The following WWOX variants were observed in gnomAD, a reference collection of about 807,000 sequenced individuals.
WWOX encodes the protein WW domain-containing oxidoreductase.
Under a neutral mutation model 46.2 loss-of-function variants are expected in WWOX, and 69 were observed. The observed-to-expected ratio is 1.49, with a 90% confidence interval of 1.23 to 1.82. The LOEUF (loss-of-function observed/expected upper bound fraction) is 1.82. Ranked by LOEUF, WWOX falls within the 40% of genes most tolerant of loss-of-function variation. The pLI, the probability that WWOX is intolerant of heterozygous loss-of-function variation, is 0.00. For synonymous variants in WWOX, 359 were observed against 202.6 expected, an observed-to-expected ratio of 1.77 and a Z score of -6.56; for missense variants, 919 against 542.6, an observed-to-expected ratio of 1.69 and a Z score of -6.89.
At chr16:79,045,079 A>C (rs1032401410) in intron 8 of WWOX, among the ~76,000 whole-genome samples, 2 of 152,230 alleles carry the variant, frequency 1.3e-5, no homozygotes, top group Non-Finnish European at 1.5e-5. Context: ...CAATCTCTCC[A>C]AATGTTAGAT....
intron 8 of WWOX, among the ~76,000 whole-genome samples, chr16:78,600,490 C>T (rs759486337): frequency 1.3e-5 from 2 of 152,138 alleles, no homozygotes; most frequent in Non-Finnish European, 2.9e-5. Flanking sequence ...CCCCAACCCT[C>T]CGTGGGTTAA....
chr16:78,937,185 T>A (rs1339752813), intron 8 of WWOX, among the ~76,000 whole-genome samples: 1 of 152,176 alleles, frequency 6.6e-6, no homozygotes. Flanking sequence ...ACATATGGAT[T>A]TTTGGAGAGG....
Position 79,147,283 on chromosome 16 carries a change from C to A in WWOX, c.1057-64325C>A, listed in dbSNP as rs180786114. On this transcript the variant is annotated intron_variant, in intron 8 of 8. Coordinates refer to ENST00000566780, the MANE Select transcript of WWOX (RefSeq NM_016373.4). ...TGCCTCATCCCTGACCCCTGGCAAC[C>A]ACTAAACTGTTCTCCACTTTTAAAA... is the stretch of plus-strand genomic sequence containing the variant. Among the ~76,000 whole-genome samples, 615 of 152,330 alleles carry A rather than the reference C, an allele frequency of 4.0e-3. 11 individuals are homozygous for A. Among genetic ancestry groups the A allele is most frequent in the Non-Finnish European group, 8.4e-4 (57 of 68,032 alleles).
At chr16:78,598,555 C>T (rs928466100) in intron 8 of WWOX, among the ~76,000 whole-genome samples, 26 of 152,300 alleles carry the variant, frequency 1.7e-4, no homozygotes, top group African/African-American at 6.3e-4. Flanking sequence ...TTTGACCAGG[C>T]AGGCTCTCAG....
At chr16:78,595,354 G>A (rs1481254579) in intron 8 of WWOX, among the ~76,000 whole-genome samples, 1 of 151,452 alleles carries the variant, frequency 6.6e-6, no homozygotes, top group Non-Finnish European at 1.5e-5. Context: ...TCACATGTGA[G>A]TCTTCTCCTT....
chr16:78,579,508 G>A (rs918209670), intron 8 of WWOX, among the ~76,000 whole-genome samples: 2 of 152,184 alleles, frequency 1.3e-5, no homozygotes, highest in Admixed American at 6.5e-5. Flanking sequence ...AACAACATGA[G>A]ATGAGGCTGG....
chr16:78,310,859 G>A (rs899586286), intron 5 of WWOX, among the ~76,000 whole-genome samples: 4 of 152,090 alleles, frequency 2.6e-5, no homozygotes, highest in African/African-American at 7.2e-5. Flanking sequence ...CCTCTGTAAC[G>A]CAGCCCCAGA....
intron 8 of WWOX, among the ~76,000 whole-genome samples, chr16:78,796,548 G>T (rs2050742786): frequency 6.6e-6 from 1 of 152,240 alleles, no homozygotes; most frequent in Non-Finnish European, 1.5e-5. Context: ...GCCTTCTCAG[G>T]CTTGCTTTCT....
At chr16:78,798,393 C>A (rs562617432) in intron 8 of WWOX, among the ~76,000 whole-genome samples, 18 of 152,178 alleles carry the variant, frequency 1.2e-4, no homozygotes, top group African/African-American at 4.1e-4. Context: ...CCAAGGATGT[C>A]ATCGACAAAT....
intron 8 of WWOX, among the ~76,000 whole-genome samples, chr16:79,032,619 A>G (rs1383082919): frequency 6.7e-6 from 1 of 148,926 alleles, no homozygotes; most frequent in African/African-American, 2.5e-5. Flanking sequence ...ATATAATTAT[A>G]TAATTCATAT....
chr16:78,995,199 G>T (rs533927496), intron 8 of WWOX, among the ~76,000 whole-genome samples: 1 of 152,016 alleles, frequency 6.6e-6, no homozygotes, highest in Non-Finnish European at 1.5e-5. Flanking sequence ...CTCTCTGCTT[G>T]CATTCTTTCC....
chr16:79,042,944 G>C (rs935621448), intron 8 of WWOX, among the ~76,000 whole-genome samples: 7 of 152,118 alleles, frequency 4.6e-5, no homozygotes, highest in African/African-American at 1.4e-4. Flanking sequence ...AATGCCTATG[G>C]ATGCCCTCAT....
chr16:78,287,128 A>G (rs955270395), intron 5 of WWOX, among the ~76,000 whole-genome samples: 1 of 152,250 alleles, frequency 6.6e-6, no homozygotes, highest in African/African-American at 2.4e-5. Flanking sequence ...GAAATTTGTA[A>G]TATGTGTCAG....
chr16:78,970,751 C>T (rs1388900470), intron 8 of WWOX, among the ~76,000 whole-genome samples: 1 of 152,118 alleles, frequency 6.6e-6, no homozygotes, highest in African/African-American at 2.4e-5. Context: ...TCCCCTCCTT[C>T]TTCCTTATTA....
At chr16:78,716,979 C>T (rs571949128) in intron 8 of WWOX, among the ~76,000 whole-genome samples, 4 of 152,298 alleles carry the variant, frequency 2.6e-5, no homozygotes, top group African/African-American at 4.8e-5. Flanking sequence ...TTGATGTTCT[C>T]AGTCGTAAAA....
At chr16:78,818,360 T>C (rs74031958) in intron 8 of WWOX, among the ~76,000 whole-genome samples, 23,027 of 152,134 alleles carry the variant, frequency 0.15, 1,899 homozygotes, top group Non-Finnish European at 0.18. Flanking sequence ...CTCTGTTGAT[T>C]AGGGTTGGTT....
intron 8 of WWOX, among the ~76,000 whole-genome samples, chr16:78,958,750 C>T (rs577936080): frequency 3.3e-4 from 50 of 152,238 alleles, no homozygotes; most frequent in African/African-American, 9.9e-4. Flanking sequence ...ATGAAATATA[C>T]CAAGTCGTCA....
At chr16:78,461,393 T>C (rs1279117126) in intron 8 of WWOX, among the ~76,000 whole-genome samples, 1 of 151,410 alleles carries the variant, frequency 6.6e-6, no homozygotes, top group Non-Finnish European at 1.5e-5. Context: ...AAACAAAAAA[T>C]AGGAAAAAAA....
At chr16:78,501,040 C>T (rs956730977) in intron 8 of WWOX, among the ~76,000 whole-genome samples, 4 of 152,086 alleles carry the variant, frequency 2.6e-5, no homozygotes, top group African/African-American at 9.7e-5. Context: ...GGCTATTATT[C>T]TTAGGCATTT....
Sources: allele counts gnomAD v4.1 joint callset (sites outside exome capture counted in the v4.1 genomes callset), GRCh38; gene constraint gnomAD v4.1.1; transcripts MANE v1.5; gene names NCBI Gene and HGNC (gene_info 2026-07-23, HGNC 2026-07-21).